Variants in GRM8 observed in about 807,000 individuals in gnomAD.
GRM8 encodes the protein metabotropic glutamate receptor 8.
Under a neutral mutation model 87.2 loss-of-function variants are expected in GRM8, and 47 were observed. That is an observed-to-expected ratio of 0.54 (90% CI 0.43 to 0.69). The LOEUF is 0.69. Among genes scored for constraint, GRM8 ranks in the 30% least tolerant of loss-of-function variants. The pLI is 0.00. For missense variants in GRM8, 1,019 were observed against 1,139.2 expected, an observed-to-expected ratio of 0.89 and a Z score of 1.52; for synonymous variants, 396 against 404.5, an observed-to-expected ratio of 0.98 and a Z score of 0.25.
At chr7:127,090,971 G>T (rs1396485746) in intron 3 of GRM8, 1 of 152,214 alleles carries the variant, frequency 6.6e-6, no homozygotes, top group Non-Finnish European at 1.5e-5. Context: ...AGACAGTGCA[G>T]CTACAGTGCT....
chr7:126,935,291 G>T (rs1416182230), intron 3 of GRM8, among the ~76,000 whole-genome samples: 1 of 152,066 alleles, frequency 6.6e-6, no homozygotes, highest in African/African-American at 2.4e-5. Context: ...TGGCAAAGAC[G>T]CAAAAACAAG....
At chr7:126,475,099 C>T (rs1453822646) in intron 9 of GRM8, among the ~76,000 whole-genome samples, 3 of 152,078 alleles carry the variant, frequency 2.0e-5, no homozygotes, top group Non-Finnish European at 4.4e-5. Context: ...TTTGCCATTT[C>T]TATTCAACAT....
At chr7:126,819,990 G>A (rs971677801) in intron 6 of GRM8, among the ~76,000 whole-genome samples, 23 of 152,178 alleles carry the variant, frequency 1.5e-4, no homozygotes, top group Admixed American at 3.9e-4. Flanking sequence ...ATAACTACTG[G>A]ATGCTTGAAA....
At chr7:126,756,624 A>C (rs1010288332) in intron 7 of GRM8, among the ~76,000 whole-genome samples, 2 of 152,138 alleles carry the variant, frequency 1.3e-5, no homozygotes, top group African/African-American at 4.8e-5. Context: ...GAGGAAACCC[A>C]AACGTATATC....
At chr7:126,921,915 G>A (rs1007464135) in intron 3 of GRM8, among the ~76,000 whole-genome samples, 3 of 152,030 alleles carry the variant, frequency 2.0e-5, no homozygotes, top group African/African-American at 7.2e-5. Context: ...CACAGGAGAA[G>A]GAAAGGGGAT....
rs3993578 is a variant in GRM8, at chr7:127,165,141, GATATATATATAT to G, written c.511-58441_511-58430del. On this transcript the variant is annotated intron_variant, in intron 2 of 10. Transcript: ENST00000339582. ...GAGGCAGATAATAAACATGTAAACA[GATATATATATAT>G]ATATATATATATATATATATATATA... 6.4e-3 allele frequency among the ~76,000 whole-genome samples: 432 copies of G among 67,336 alleles called. 3 individuals carry two copies. The highest frequency in any genetic ancestry group is 0.015 in the East Asian group (20 of 1,354). The allele number at this position is 67,336 out of a possible 152,430, so 44.2% of individuals were successfully genotyped here.
At chr7:126,593,792 T>C (rs1796909604) in intron 8 of GRM8, among the ~76,000 whole-genome samples, 1 of 151,870 alleles carries the variant, frequency 6.6e-6, no homozygotes, top group Non-Finnish European at 1.5e-5. Context: ...AAGGAAACAA[T>C]CAACAAGAGT....
chr7:126,620,597 C>G (rs927377967), intron 7 of GRM8, among the ~76,000 whole-genome samples: 1 of 151,818 alleles, frequency 6.6e-6, no homozygotes, highest in Non-Finnish European at 1.5e-5. Context: ...TGCTTTCTGG[C>G]TCTACCAATT....
chr7:127,122,177 G>A (rs1224606358), intron 2 of GRM8, among the ~76,000 whole-genome samples: 1 of 152,130 alleles, frequency 6.6e-6, no homozygotes, highest in African/African-American at 2.4e-5. Context: ...CATGGACATT[G>A]TTGATTAACT....
At chr7:127,189,535 A>T (rs1280197002) in intron 2 of GRM8, among the ~76,000 whole-genome samples, 1 of 152,202 alleles carries the variant, frequency 6.6e-6, no homozygotes. Flanking sequence ...AATTAAGTGC[A>T]TTTTGCAAAT....
chr7:127,101,747 C>T (rs1323066063), intron 3 of GRM8, among the ~76,000 whole-genome samples: 1 of 152,062 alleles, frequency 6.6e-6, no homozygotes, highest in African/African-American at 2.4e-5. Context: ...AACAGCCTAA[C>T]ACAGAAGATT....
At chr7:126,665,547 C>T (rs1805663987) in intron 7 of GRM8, among the ~76,000 whole-genome samples, 1 of 151,886 alleles carries the variant, frequency 6.6e-6, no homozygotes, top group Non-Finnish European at 1.5e-5. Flanking sequence ...GAGAACTAAG[C>T]ATTGGGTACA....
intron 6 of GRM8, among the ~76,000 whole-genome samples, chr7:126,877,019 C>T (rs1198162494): frequency 1.3e-5 from 2 of 151,900 alleles, no homozygotes; most frequent in Non-Finnish European, 2.9e-5. Context: ...TTCACCTCTA[C>T]TACTCAGGGC....
intron 6 of GRM8, among the ~76,000 whole-genome samples, chr7:126,782,776 C>T (rs1179264069): frequency 6.6e-6 from 1 of 152,092 alleles, no homozygotes; most frequent in Non-Finnish European, 1.5e-5. Context: ...ATTGGACCAC[C>T]CAAATGAAAA....
intron 6 of GRM8, among the ~76,000 whole-genome samples, chr7:126,802,229 A>G (rs1335483076): frequency 1.3e-5 from 2 of 152,168 alleles, no homozygotes; most frequent in Admixed American, 1.3e-4. Context: ...ATTTTCTAGT[A>G]TACAATATAT....
Position 127,018,494 on chromosome 7 carries a change from C to A in GRM8, c.727+88002G>T, listed in dbSNP as rs181038337. ...CCAAGTGTAAGCAGGCAGTTCAGGGCTAGGGTTTGGGTCAGGGTGGACACT... is the reference window on the plus strand; with the variant it reads ...CCAAGTGTAAGCAGGCAGTTCAGGGATAGGGTTTGGGTCAGGGTGGACACT... On this transcript the variant is annotated intron_variant, in intron 3 of 10. Transcript: ENST00000339582. 3.2e-3 allele frequency among the ~76,000 whole-genome samples: 482 copies of A among 149,852 alleles called. 3 individuals carry two copies. The highest frequency in any genetic ancestry group is 0.011 in the African/African-American group (459 of 40,722).
At chr7:126,568,247 C>T (rs1386696181) in intron 8 of GRM8, among the ~76,000 whole-genome samples, 1 of 151,986 alleles carries the variant, frequency 6.6e-6, no homozygotes, top group Non-Finnish European at 1.5e-5. Flanking sequence ...AACATGAATT[C>T]AATATTCTGT....
intron 3 of GRM8, among the ~76,000 whole-genome samples, chr7:127,048,713 G>T (rs186078242): frequency 6.6e-6 from 1 of 152,246 alleles, no homozygotes; most frequent in East Asian, 1.9e-4. Flanking sequence ...GTCAAAGGTT[G>T]GTATCTGAAG....
At chr7:126,994,181 T>C (rs1174363585) in intron 3 of GRM8, among the ~76,000 whole-genome samples, 2 of 152,058 alleles carry the variant, frequency 1.3e-5, no homozygotes, top group Admixed American at 6.6e-5. Flanking sequence ...GGCAGAGTAG[T>C]GAGGCCTGCA....
Sources: gnomAD v4.1 joint callset for allele counts (sites outside exome capture counted in the v4.1 genomes callset) on GRCh38, gnomAD v4.1.1 for gene constraint, MANE v1.5 for transcripts, NCBI Gene and HGNC (gene_info 2026-07-23, HGNC 2026-07-21) for gene names.